AR: variants seen among roughly 807,000 people sequenced by gnomAD.
AR encodes the protein dihydrotestosterone receptor.
AR carries 8 observed loss-of-function variants against 53.9 expected under a neutral mutation model. That is an observed-to-expected ratio of 0.15 (90% CI 0.09 to 0.27). AR has a LOEUF of 0.27. Among genes scored for constraint, AR ranks in the 10% least tolerant of loss-of-function variants. AR has a pLI of 1.00. For synonymous variants in AR, 359 were observed against 316.4 expected, an observed-to-expected ratio of 1.13 and a Z score of -1.43; for missense variants, 639 against 742.5, an observed-to-expected ratio of 0.86 and a Z score of 1.62.
At position 67,730,594 on chromosome X, in the gene AR, A is replaced by C; in HGVS notation, c.*6753A>C. On this transcript the variant is annotated 3_prime_UTR_variant, in exon 8 of 8. Coordinates refer to ENST00000374690, the MANE Select transcript of AR (RefSeq NM_000044.6). ...CTCTTATCATTGTTGTTAATTTGTT[A>C]AAACATAAAGAAATCTAAAATTTCA... The C allele has an allele frequency of 1.2e-5, 2 of 168,426 alleles. No individual in the cohort carries two copies. The highest frequency in any genetic ancestry group is 1.9e-3 in the Middle Eastern group (1 of 520). The allele number at this position is 168,426 out of a possible 1,213,427, so 13.9% of individuals were successfully genotyped here.
chrX:67,605,431 G>A (rs1342227134), intron 1 of AR, among the ~76,000 whole-genome samples: 2 of 112,520 alleles, frequency 1.8e-5, no homozygotes, highest in Non-Finnish European at 3.8e-5. Context: ...TGTTACAGAG[G>A]ACACAGTTGG....
intron 3 of AR, among the ~76,000 whole-genome samples, chrX:67,692,336 C>G (rs1280371063): frequency 8.9e-6 from 1 of 112,709 alleles, no homozygotes; most frequent in Non-Finnish European, 1.9e-5. Context: ...AGTGCTGCTT[C>G]CTACCCACAA....
At chrX:67,687,987 G>A (rs771663538) in intron 3 of AR, among the ~76,000 whole-genome samples, 4 of 112,250 alleles carry the variant, frequency 3.6e-5, no homozygotes, top group African/African-American at 6.5e-5. Context: ...CTATATAACC[G>A]TCAGATGCAG....
chrX:67,562,376 G>GTGTGTGTGTGTGTGTC (rs1555971661), intron 1 of AR, among the ~76,000 whole-genome samples: 45 of 109,340 alleles, frequency 4.1e-4, no homozygotes, highest in African/African-American at 1.4e-3. Context: ...GTGTGTGTGT[G>GTGTGTGTGTGTGTGTC]TGTGTGTGTG....
At chrX:67,721,655 AAAAC>A (rs753767208) in intron 5 of AR, among the ~76,000 whole-genome samples, 174 bp from the exon 6 acceptor site, 38 of 111,925 alleles carry the variant, frequency 3.4e-4, no homozygotes, top group African/African-American at 7.1e-4. Context: ...AGAGAGAAAA[AAAAC>A]AAACAAACAG....
chrX:67,712,071 A>T (rs1241275464), intron 4 of AR, among the ~76,000 whole-genome samples: 1 of 112,003 alleles, frequency 8.9e-6, no homozygotes, highest in Non-Finnish European at 1.9e-5. Flanking sequence ...CTCTAGTTTG[A>T]CTGACATTCT....
chrX:67,639,999 A>T (rs577523688), intron 1 of AR, among the ~76,000 whole-genome samples: 2 of 111,388 alleles, frequency 1.8e-5, no homozygotes, highest in East Asian at 5.7e-4. Context: ...TTCCATCAAT[A>T]CCTAGTTTAT....
Position 67,678,793 on chromosome X carries a change from A to G in AR, c.1769-7217A>G, listed in dbSNP as rs193205341. 9.4e-3 allele frequency among the ~76,000 whole-genome samples: 1,048 copies of G among 111,276 alleles called. 3 individuals are homozygous for G. The highest frequency in any genetic ancestry group is 0.016 in the Non-Finnish European group (872 of 53,074). On this transcript the variant is annotated intron_variant, in intron 2 of 7. Transcript: ENST00000374690. ...ATCCATGGACACTTAGTTTGCTTCC[A>G]TATGTTGGCTATTGTGAATAATGCT...
intron 1 of AR, among the ~76,000 whole-genome samples, chrX:67,637,299 G>A (rs1490066109): frequency 9.8e-6 from 1 of 102,284 alleles, no homozygotes; most frequent in Non-Finnish European, 2.0e-5. Flanking sequence ...TTAGCATTAG[G>A]TATATCTCCT....
At chrX:67,589,265 G>A (rs1338762565) in intron 1 of AR, among the ~76,000 whole-genome samples, 2 of 95,857 alleles carry the variant, frequency 2.1e-5, no homozygotes, top group African/African-American at 3.9e-5. Context: ...GCGAGACTCC[G>A]TCTCAAAAAA....
intron 3 of AR, among the ~76,000 whole-genome samples, chrX:67,693,619 G>C (rs2076005842): frequency 9.0e-6 from 1 of 111,535 alleles, no homozygotes; most frequent in Non-Finnish European, 1.9e-5. Context: ...ACATCTTTTG[G>C]GATCACGTTG....
intron 6 of AR, 94 bp from the exon 7 acceptor site, chrX:67,722,733 G>A (rs2076141034): frequency 4.7e-6 from 5 of 1,053,459 alleles, no homozygotes; most frequent in Non-Finnish European, 6.5e-6. Flanking sequence ...TGTGGGGGTG[G>A]GGGTCAAGTC....
intron 5 of AR, among the ~76,000 whole-genome samples, chrX:67,718,875 G>T (rs1008893832): frequency 1.7e-4 from 19 of 111,562 alleles, no homozygotes; most frequent in African/African-American, 5.9e-4. Context: ...CTCATGATCT[G>T]CCCGCCTCAG....
intron 2 of AR, among the ~76,000 whole-genome samples, chrX:67,650,620 C>G (rs1242046763): frequency 8.9e-6 from 1 of 112,557 alleles, no homozygotes; most frequent in East Asian, 2.8e-4. Context: ...ATGTGTGCAA[C>G]TTCTGGAAAC....
chrX:67,677,809 G>A (rs2147486667), intron 2 of AR, among the ~76,000 whole-genome samples: 1 of 111,252 alleles, frequency 9.0e-6, no homozygotes, highest in African/African-American at 3.3e-5. Flanking sequence ...TGTAAAATGA[G>A]ATTGTTGGAT....
chrX:67,702,555 C>A (rs1342484877), intron 3 of AR, among the ~76,000 whole-genome samples: 1 of 111,922 alleles, frequency 8.9e-6, no homozygotes, highest in Non-Finnish European at 1.9e-5. Flanking sequence ...GTGCCAAAGC[C>A]CCGCAGAAAT....
intron 2 of AR, among the ~76,000 whole-genome samples, chrX:67,650,212 T>C (rs1926269046): frequency 8.9e-6 from 1 of 112,128 alleles, no homozygotes; most frequent in Non-Finnish European, 1.9e-5. Flanking sequence ...AATACTACTT[T>C]AAATTTCATA....
At chrX:67,718,381 G>C (rs759009199) in intron 5 of AR, among the ~76,000 whole-genome samples, 5 of 111,518 alleles carry the variant, frequency 4.5e-5, no homozygotes, top group African/African-American at 1.6e-4. Flanking sequence ...AATTTGGCCA[G>C]TGGCTCAGAT....
intron 2 of AR, among the ~76,000 whole-genome samples, chrX:67,664,558 G>A (rs1051836283): frequency 1.8e-5 from 2 of 112,110 alleles, no homozygotes; most frequent in African/African-American, 6.5e-5. Flanking sequence ...GGCTACTCGG[G>A]GTTCAGGGAA....
Sources: gnomAD v4.1 joint callset for allele counts (sites outside exome capture counted in the v4.1 genomes callset) on GRCh38, gnomAD v4.1.1 for gene constraint, MANE v1.5 for transcripts, NCBI Gene and HGNC (gene_info 2026-07-23, HGNC 2026-07-21) for gene names.